The following GDA variants were observed in gnomAD, a reference collection of about 807,000 sequenced individuals.
GDA encodes the protein guanine deaminase.
GDA carries 18 observed loss-of-function variants against 59.6 expected under a neutral mutation model. The ratio of observed to expected loss-of-function variants is 0.30; its 90% confidence interval spans 0.21 to 0.45. The LOEUF is 0.45. GDA is among the 20% of genes least tolerant of loss of function. GDA has a pLI of 1.00. For synonymous variants in GDA, 201 were observed against 201.1 expected (o/e 1.00, Z 0.00); for missense variants, 427 against 552.3 (o/e 0.77, Z 2.27).
At chr9:72,222,761 C>T (rs1013891035) in intron 6 of GDA, among the ~76,000 whole-genome samples, 1 of 152,020 alleles carries the variant, frequency 6.6e-6, no homozygotes, top group African/African-American at 2.4e-5. Context: ...GACTGGAGTG[C>T]AATGGTGAGA....
chr9:72,199,023 C>G (rs1372407760), intron 2 of GDA, among the ~76,000 whole-genome samples: 2 of 152,056 alleles, frequency 1.3e-5, no homozygotes, highest in Admixed American at 1.3e-4. Context: ...TTACCTTCTG[C>G]TGCTGCCTTC....
chr9:72,144,141 G>A lies in GDA; in HGVS notation c.-100+29308G>A, dbSNP rs146059381. The stretch of plus-strand genomic sequence containing the variant: ...GAAGGCTGAGGCAGAAGAATCCCTT[G>A]AGCCTGGGAGGCAGAGGTTGCAGTG... On this transcript the variant is annotated intron_variant, in intron 1 of 13. Transcript: ENST00000545168. 6.6e-3 allele frequency among the ~76,000 whole-genome samples: 1,004 copies of A among 152,294 alleles called. 6 individuals are homozygous for A. The highest frequency in any genetic ancestry group is 9.9e-3 in the Non-Finnish European group (672 of 68,032).
chr9:72,184,305 A>G (rs1831609928), intron 1 of GDA, among the ~76,000 whole-genome samples: 1 of 152,220 alleles, frequency 6.6e-6, no homozygotes, highest in Non-Finnish European at 1.5e-5. Context: ...TGTATTGACC[A>G]TTATAGTATC....
intron 5 of GDA, among the ~76,000 whole-genome samples, chr9:72,217,553 A>AT (rs1159876525): frequency 3.0e-4 from 46 of 152,320 alleles, no homozygotes; most frequent in African/African-American, 1.0e-3. Flanking sequence ...TGTCAATATT[A>AT]TTTTTGTGTA....
At chr9:72,258,788 A>G (rs1271745459), downstream of GDA, among the ~76,000 whole-genome samples, 1 of 152,046 alleles carries the variant, frequency 6.6e-6, no homozygotes, top group African/African-American at 2.4e-5. Flanking sequence ...GGAAGCTTGG[A>G]CTCGGAAGAA....
chr9:72,149,975 C>G (rs988848850), intron 1 of GDA, among the ~76,000 whole-genome samples: 1 of 152,080 alleles, frequency 6.6e-6, no homozygotes, highest in African/African-American at 2.4e-5. Context: ...ACCCCCCGCT[C>G]CCCCGCCCCC....
chr9:72,165,425 C>T (rs1168068814), intron 1 of GDA, among the ~76,000 whole-genome samples: 1 of 152,116 alleles, frequency 6.6e-6, no homozygotes, highest in African/African-American at 2.4e-5. Flanking sequence ...TGAAACACTT[C>T]ATTTTATTAA....
Position 72,248,335 on chromosome 9 carries a change from C to T in GDA, c.1358C>T (p.Ser453Leu). 6.2e-7 allele frequency: 1 copy of T among 1,613,526 alleles called. No homozygotes were observed. The highest frequency in any genetic ancestry group is 1.7e-4 in the Middle Eastern group (1 of 6,060). Reference sequence around the variant, plus strand: ...AAGCAGGTGGTTCCGTTTTCCAGCTCAGTGTAAGACCCTCGGGCGTCTACA... The same window carrying T: ...AAGCAGGTGGTTCCGTTTTCCAGCTTAGTGTAAGACCCTCGGGCGTCTACA... ...GGKQVVPFSS[S>L]V The change falls in exon 14 of 14, where the codon TCA (serine) becomes TTA (leucine). Residue 453 changes from serine (S) to leucine (L), a missense_variant. Physicochemically the swap from Ser to Leu is moderately radical, Grantham distance 145. Transcript: ENST00000358399.
intron 2 of GDA, 116 bp from the exon 3 acceptor site, chr9:72,202,455 C>T (rs1276427146): frequency 3.1e-6 from 2 of 655,210 alleles, no homozygotes; most frequent in Non-Finnish European, 5.3e-6. Context: ...GATTGCATTA[C>T]CTATAAACCT....
chr9:72,127,132 A>T (rs371393971), intron 1 of GDA, among the ~76,000 whole-genome samples: 1 of 151,992 alleles, frequency 6.6e-6, no homozygotes, highest in African/African-American at 2.4e-5. Flanking sequence ...AGTTGGCATG[A>T]TCTTGTTCAC....
intron 1 of GDA, among the ~76,000 whole-genome samples, chr9:72,187,833 C>T (rs1226534410): frequency 2.6e-5 from 4 of 152,154 alleles, no homozygotes; most frequent in African/African-American, 9.7e-5. Flanking sequence ...AAAGGCTGTT[C>T]TGATGAGATC....
chr9:72,250,584 CT>C lies in GDA; in HGVS notation c.*2250del. 8 of 1,489,732 alleles carry C rather than the reference CT, an allele frequency of 5.4e-6. No individual in the cohort carries two copies. The highest frequency in any genetic ancestry group is 2.6e-5 in the South Asian group (2 of 76,232). The allele number at this position is 1,489,732 out of a possible 1,614,324, so 92.3% of individuals were successfully genotyped here. ...GCGGTGTTCCTGAATGTTATGTATG[CT>C]TTTTTTTCTGTACCACAGGCATTAT... On this transcript the variant is annotated 3_prime_UTR_variant, in exon 14 of 14. Transcript: ENST00000358399.
At chr9:72,176,984 C>T (rs1830610859) in intron 1 of GDA, among the ~76,000 whole-genome samples, 1 of 152,106 alleles carries the variant, frequency 6.6e-6, no homozygotes, top group Non-Finnish European at 1.5e-5. Flanking sequence ...CAAGGGTTTC[C>T]TCACTTTGCG....
chr9:72,155,978 G>A (rs1827837734), intron 1 of GDA, among the ~76,000 whole-genome samples: 1 of 152,194 alleles, frequency 6.6e-6, no homozygotes, highest in Non-Finnish European at 1.5e-5. Flanking sequence ...ATAGAATAAT[G>A]CCTGGCATGT....
At chr9:72,176,952 C>A (rs4744663) in intron 1 of GDA, among the ~76,000 whole-genome samples, 114,852 of 152,010 alleles carry the variant, frequency 0.76, 43,449 homozygotes, top group Middle Eastern at 0.8. Flanking sequence ...CTGTAGCCCG[C>A]GCTAAGTATA....
chr9:72,153,859 T>TGCTAAATGACGAGTTAATGGGTGCA (rs1827556627), intron 1 of GDA, among the ~76,000 whole-genome samples: 1 of 147,358 alleles, frequency 6.8e-6, no homozygotes, highest in Non-Finnish European at 1.5e-5. Context: ...ATATACCTAA[T>TGCTAAATGACGAGTTAATGGGTGCA]GCTAAATGAC....
chr9:72,117,005 C>A (rs1169520222), intron 1 of GDA, among the ~76,000 whole-genome samples: 2 of 151,422 alleles, frequency 1.3e-5, no homozygotes, highest in Non-Finnish European at 2.9e-5. Context: ...AATTTCCCAC[C>A]TATGAGTGAG....
At chr9:72,201,067 A>G (rs1833943274) in intron 2 of GDA, among the ~76,000 whole-genome samples, 1 of 152,172 alleles carries the variant, frequency 6.6e-6, no homozygotes, top group African/African-American at 2.4e-5. Flanking sequence ...ATCATCATCC[A>G]TAACATTTAT....
chr9:72,215,414 C>G (rs1835979992), intron 5 of GDA, among the ~76,000 whole-genome samples: 2 of 152,088 alleles, frequency 1.3e-5, no homozygotes, highest in Admixed American at 1.3e-4. Context: ...GTATATGCAT[C>G]CTTCACTACT....
Sources: gnomAD v4.1 joint callset for allele counts (sites outside exome capture counted in the v4.1 genomes callset) on GRCh38, gnomAD v4.1.1 for gene constraint, MANE v1.5 for transcripts, NCBI Gene and HGNC (gene_info 2026-07-23, HGNC 2026-07-21) for gene names.